The following PPARGC1A variants were observed in gnomAD, a reference collection of about 807,000 sequenced individuals.
PPARGC1A encodes peroxisome proliferator-activated receptor gamma coactivator 1-alpha.
PPARGC1A carries 25 observed loss-of-function variants against 88.7 expected under a neutral mutation model. The observed-to-expected ratio is 0.28, with a 90% CI of 0.21 to 0.39. PPARGC1A has a LOEUF of 0.39. Ranked by LOEUF, PPARGC1A falls within the 10% of genes least tolerant of loss-of-function variation. PPARGC1A has a pLI of 1.00. For missense variants in PPARGC1A, 880 were observed against 968.7 expected (o/e 0.91, Z 1.22); for synonymous variants, 363 against 355.6 (o/e 1.02, Z -0.24).
the PPARGC1A span, among the ~76,000 whole-genome samples, chr4:24,277,566 C>T: frequency 6.6e-6 from 1 of 152,136 alleles, no homozygotes; most frequent in Non-Finnish European, 1.5e-5. Context: ...CAGCTCAGCA[C>T]TCTATTGATT....
At chr4:24,001,634 AT>A in the PPARGC1A span, among the ~76,000 whole-genome samples, 12 of 151,768 alleles carry the variant, frequency 7.9e-5, no homozygotes, top group South Asian at 2.1e-4. Flanking sequence ...CCTATCACTG[AT>A]TTTTTTTTCC....
the PPARGC1A span, among the ~76,000 whole-genome samples, chr4:24,258,836 C>T: frequency 8.5e-5 from 13 of 152,308 alleles, no homozygotes; most frequent in South Asian, 2.7e-3. Context: ...CCCATCCTTT[C>T]TACCACTCTC....
At chr4:23,915,053 TA>T in the PPARGC1A span, among the ~76,000 whole-genome samples, 4 of 152,196 alleles carry the variant, frequency 2.6e-5, no homozygotes, top group Non-Finnish European at 5.9e-5. Flanking sequence ...GGAAGTTCCA[TA>T]AAACTTAAAA....
the PPARGC1A span, among the ~76,000 whole-genome samples, chr4:23,977,865 T>G: frequency 6.6e-6 from 1 of 152,240 alleles, no homozygotes; most frequent in African/African-American, 2.4e-5. Context: ...ACTAAATGTT[T>G]TTCAAGACAT....
chr4:24,369,091 A>G, the PPARGC1A span, among the ~76,000 whole-genome samples: 3 of 152,168 alleles, frequency 2.0e-5, no homozygotes, highest in Non-Finnish European at 4.4e-5. Flanking sequence ...TCCCAAGGCC[A>G]CTGAATTTAA....
At chr4:24,364,969 A>G in the PPARGC1A span, among the ~76,000 whole-genome samples, 2 of 152,124 alleles carry the variant, frequency 1.3e-5, no homozygotes, top group African/African-American at 2.4e-5. Flanking sequence ...AACTCTCACC[A>G]TATACCCACA....
At chr4:23,964,131 C>T in the PPARGC1A span, among the ~76,000 whole-genome samples, 2 of 152,170 alleles carry the variant, frequency 1.3e-5, no homozygotes, top group South Asian at 4.1e-4. Context: ...TTCAATGGTG[C>T]CTGCCTAAGC....
chr4:24,000,902 G>A, the PPARGC1A span, among the ~76,000 whole-genome samples: 3 of 152,156 alleles, frequency 2.0e-5, no homozygotes, highest in Non-Finnish European at 2.9e-5. Context: ...AACCAGCAGT[G>A]AGCAAAATAG....
chr4:24,196,957 C>A, the PPARGC1A span, among the ~76,000 whole-genome samples: 1 of 152,164 alleles, frequency 6.6e-6, no homozygotes, highest in Non-Finnish European at 1.5e-5. Context: ...GCAGAAGAGA[C>A]AGTGTGTTTG....
At chr4:24,034,053 CATAA>C in the PPARGC1A span, among the ~76,000 whole-genome samples, 3 of 152,212 alleles carry the variant, frequency 2.0e-5, no homozygotes, top group Admixed American at 6.5e-5. Flanking sequence ...GTGGTAGCAC[CATAA>C]ATAAATAATT....
the PPARGC1A span, among the ~76,000 whole-genome samples, chr4:24,252,909 A>G: frequency 6.6e-6 from 1 of 152,136 alleles, no homozygotes; most frequent in African/African-American, 2.4e-5. Flanking sequence ...TTTCTATTTG[A>G]GGACATATCC....
the PPARGC1A span, among the ~76,000 whole-genome samples, chr4:24,186,321 T>C: frequency 3.3e-5 from 5 of 152,120 alleles, no homozygotes; most frequent in Non-Finnish European, 4.4e-5. Context: ...AACGTCAGAA[T>C]AGGTATTTGG....
the PPARGC1A span, among the ~76,000 whole-genome samples, chr4:23,928,744 A>C: frequency 7.7e-6 from 1 of 129,442 alleles, no homozygotes. Flanking sequence ...TGTGGTACTT[A>C]TCCAGCCACA....
the PPARGC1A span, among the ~76,000 whole-genome samples, chr4:24,444,417 C>G: frequency 2.6e-5 from 4 of 151,848 alleles, no homozygotes; most frequent in East Asian, 3.9e-4. Flanking sequence ...AATTAGGAGT[C>G]TACTGCACTT....
chr4:24,242,961 A>G, the PPARGC1A span, among the ~76,000 whole-genome samples: 1 of 152,124 alleles, frequency 6.6e-6, no homozygotes, highest in Non-Finnish European at 1.5e-5. Context: ...ACTCAGCTGG[A>G]GTCAAATTTT....
At chr4:24,008,772 A>C in the PPARGC1A span, among the ~76,000 whole-genome samples, 1 of 152,138 alleles carries the variant, frequency 6.6e-6, no homozygotes, top group Admixed American at 6.5e-5. Context: ...AAAGCTGGGA[A>C]AAGCACAGTT....
At chr4:23,904,235 G>A (rs1325715062), upstream of PPARGC1A, 1 of 164,592 alleles carries the variant, frequency 6.1e-6, no homozygotes, top group East Asian at 1.9e-4. Flanking sequence ...GAGCAAATAT[G>A]TACAGTATCA....
the PPARGC1A span, among the ~76,000 whole-genome samples, chr4:24,309,500 T>C: frequency 5.9e-5 from 9 of 152,186 alleles, no homozygotes; most frequent in African/African-American, 2.2e-4. Context: ...GACCATGGCA[T>C]GAAACTTAGA....
chr4:24,035,968 C>T, the PPARGC1A span, among the ~76,000 whole-genome samples: 16 of 152,244 alleles, frequency 1.1e-4, no homozygotes, highest in African/African-American at 3.4e-4. Context: ...GTTTACTTCC[C>T]ATAACTGCCC....
Sources: gnomAD v4.1 joint callset for allele counts (sites outside exome capture counted in the v4.1 genomes callset) on GRCh38, gnomAD v4.1.1 for gene constraint, MANE v1.5 for transcripts, NCBI Gene and HGNC (gene_info 2026-07-23, HGNC 2026-07-21) for gene names.